The following TOP2A variants were observed in gnomAD, a reference collection of about 807,000 sequenced individuals.
TOP2A encodes the protein DNA topoisomerase II alpha.
In TOP2A, 68 loss-of-function variants were observed where a neutral mutation model predicts 187.2. The observed-to-expected ratio is 0.36, with a 90% CI of 0.30 to 0.44. TOP2A has a LOEUF of 0.44. Ranked by LOEUF, TOP2A falls within the 20% of genes least tolerant of loss-of-function variation. TOP2A has a pLI of 1.00. For synonymous variants in TOP2A, 542 were observed against 593.2 expected (o/e 0.91, Z 1.25); for missense variants, 1,196 against 1,808.7 (o/e 0.66, Z 6.14).
chr17:40,405,715 C>T (rs1023753281), intron 16 of TOP2A, among the ~76,000 whole-genome samples: 4 of 151,772 alleles, frequency 2.6e-5, no homozygotes, highest in African/African-American at 7.3e-5. Context: ...GTGATCTGCC[C>T]GACTTAGCCT....
At position 40,402,892 on chromosome 17, in the gene TOP2A, G is replaced by GA. The variant is rs1444598567; in HGVS notation, c.2432+13dup. 1 of 1,574,970 alleles carries GA rather than the reference G, an allele frequency of 6.3e-7. No individual in the cohort carries two copies. The highest frequency in any genetic ancestry group is 8.6e-7 in the Non-Finnish European group (1 of 1,158,244). ...TGGAAATGGCAAGTCACTAGAAAGT[G>GA]AAAGCATACCTACCTGAGCATTGTA... On this transcript the variant is annotated intron_variant, in intron 20 of 34. Transcript: ENST00000423485.
At chr17:40,406,773 T>A in intron 14 of TOP2A, 59 bp downstream of exon 14, 1 of 1,571,982 alleles carries the variant, frequency 6.4e-7, no homozygotes, top group South Asian at 1.1e-5. Flanking sequence ...TATATGTATA[T>A]CCAGGTTTGA....
In TOP2A at chr17:40,400,322, C is replaced by G. The variant is rs2143647149; in HGVS notation, c.2887G>C (p.Asp963His). ...LITDYREYHT[D>H]TTVKFVVKMT... Reference sequence around the variant, plus strand: ...TTCACAACAAATTTCACAGTGGTATCTGTATGGTATTCCCTATAGTCTGTT... The same window carrying G: ...TTCACAACAAATTTCACAGTGGTATGTGTATGGTATTCCCTATAGTCTGTT... Residue 963 changes from aspartate (D) to histidine (H), a missense_variant, in exon 23 of 35, where the codon GAT becomes CAT. This residue lies in a region of TOP2A where 232 missense variants were observed against 306.1 expected (regional missense o/e 0.76). Transcript: ENST00000423485. 1 of 1,613,524 alleles carries G rather than the reference C, an allele frequency of 6.2e-7. No homozygotes were observed. Among genetic ancestry groups the G allele is most frequent in the Non-Finnish European group, 8.5e-7 (1 of 1,179,802 alleles).
intron 29 of TOP2A, among the ~76,000 whole-genome samples, chr17:40,394,083 A>C (rs2035060344): frequency 6.6e-6 from 1 of 151,616 alleles, no homozygotes; most frequent in Non-Finnish European, 1.5e-5. Context: ...AAAAAAAAAA[A>C]AGAATGAAGT....
At chr17:40,398,984 A>G (rs1338749943) in intron 25 of TOP2A, 47 bp from the exon 26 acceptor site, 3 of 1,598,086 alleles carry the variant, frequency 1.9e-6, no homozygotes, top group Middle Eastern at 1.7e-4. Context: ...TGTGAAACAT[A>G]AACATTGTAC....
rs34300454 is a variant in TOP2A at position 40,391,616 on chromosome 17, C to T, written c.4157G>A (p.Gly1386Asp). The T allele has an allele frequency of 0.025, 40,011 of 1,603,476 alleles. 665 individuals carry two copies. Among genetic ancestry groups the T allele is most frequent in the African/African-American group, 0.077 (5,739 of 74,564 alleles). Reference sequence around the variant, plus strand: ...AGGGCTTGAAGACAGTGGTACACTGCCCTTAACATCATCAGCTTCAAGGTC... The same window carrying T: ...AGGGCTTGAAGACAGTGGTACACTGTCCTTAACATCATCAGCTTCAAGGTC... ...VSDLEADDVK[G>D]SVPLSSSPPA... Residue 1386 changes from glycine (G) to aspartate (D), a missense_variant, in exon 33 of 35, where the codon GGC (glycine) becomes GAC (aspartate). By Grantham distance (94) the Gly-to-Asp change is moderately conservative. Around this residue, in one of 10 missense-constraint regions of TOP2A, gnomAD observed 374 missense variants for 403.3 expected, o/e 0.93. Coordinates refer to ENST00000423485, the MANE Select transcript of TOP2A (RefSeq NM_001067.4).
intron 23 of TOP2A, 53 bp from the exon 24 acceptor site, chr17:40,400,120 T>C (rs1007988179): frequency 1.3e-6 from 2 of 1,590,888 alleles, no homozygotes; most frequent in Admixed American, 1.7e-5. Context: ...GGCTAAACTT[T>C]ATAAAGGTAG....
At chr17:40,405,020 T>C in intron 16 of TOP2A, 137 bp from the exon 17 acceptor site, 1 of 593,782 alleles carries the variant, frequency 1.7e-6, no homozygotes, top group South Asian at 2.1e-5. Context: ...CGGGAGTTAC[T>C]GTTCTCTTGC....
intron 1 of TOP2A, among the ~76,000 whole-genome samples, chr17:40,417,294 G>C (rs1413999156): frequency 1.3e-5 from 2 of 152,106 alleles, no homozygotes; most frequent in Non-Finnish European, 2.9e-5. Flanking sequence ...CAGTTTGGGC[G>C]GCTATCCGTT....
At chr17:40,397,445 C>A (rs2143638530) in intron 27 of TOP2A, among the ~76,000 whole-genome samples, 1 of 152,134 alleles carries the variant, frequency 6.6e-6, no homozygotes, top group Non-Finnish European at 1.5e-5. Context: ...GCCACCACAC[C>A]CAACTAATTT....
Position 40,400,859 on chromosome 17 carries a change from A to G in TOP2A, c.2655T>C (p.Pro885=). 2 of 1,613,988 alleles carry G rather than the reference A, an allele frequency of 1.2e-6. No homozygotes were observed. Among genetic ancestry groups the G allele is most frequent in the Non-Finnish European group, 1.7e-6 (2 of 1,179,870 alleles). The change falls in exon 21 of 35, where the codon CCT becomes CCC. Residue 885 remains proline, a synonymous_variant. Transcript: ENST00000423485. The part of the protein sequence containing the change: ...NIRRLMDGEE[P]LPMLPSYKNF... ...CACACAGAATACTTACCATTGGCAA[A>G]GGTTCTTCTCCATCCATCAAACGCC...
chr17:40,417,516 GGGACCAAC>G, intron 1 of TOP2A: 1 of 1,411,974 alleles, frequency 7.1e-7, no homozygotes, highest in East Asian at 2.6e-5. Context: ...GATCCACTAC[GGGACCAAC>G]GGACTCCTGC....
chr17:40,394,490 A>G (rs2035065600), intron 29 of TOP2A, among the ~76,000 whole-genome samples: 1 of 152,024 alleles, frequency 6.6e-6, no homozygotes. Context: ...GCACCACCAC[A>G]CTCAACTAAT....
In TOP2A at chr17:40,400,205, A is replaced by T. The variant is rs369125095; in HGVS notation, c.3000+4T>A. ...CGTGTACATCTCACAAAACAAATAC[A>T]TACCATAGAGTTGCATGTGAGACTA... On this transcript the variant is annotated splice_donor_region_variant and intron_variant, in intron 23 of 34. Coordinates refer to ENST00000423485, the MANE Select transcript of TOP2A (RefSeq NM_001067.4). 25 of 1,613,322 alleles carry T rather than the reference A, an allele frequency of 1.5e-5. No individual in the cohort carries two copies. The African/African-American group carries it at 3.1e-4, about 20-fold the overall frequency.
At chr17:40,398,390 C>T (rs1272104937) in intron 27 of TOP2A, among the ~76,000 whole-genome samples, 168 bp downstream of exon 27, 2 of 152,174 alleles carry the variant, frequency 1.3e-5, no homozygotes, top group Admixed American at 6.5e-5. Context: ...CAGCGTGAGC[C>T]ACTGCACCTG....
chr17:40,407,386 T>C (rs548784192), intron 13 of TOP2A, among the ~76,000 whole-genome samples, 163 bp downstream of exon 13: 1 of 152,358 alleles, frequency 6.6e-6, no homozygotes, highest in African/African-American at 2.4e-5. Context: ...AACCTGTATT[T>C]GCAACATACA....
chr17:40,394,028 T>C (rs2035059113), intron 29 of TOP2A, among the ~76,000 whole-genome samples: 1 of 144,926 alleles, frequency 6.9e-6, no homozygotes, highest in African/African-American at 2.6e-5. Context: ...TACTGCATAC[T>C]GCATGCCAGC....
In TOP2A at chr17:40,401,084, A is replaced by G; in HGVS notation, c.2433-3T>C. ...GAAATAACAATCGAGCCAAAGAGCTAAAGAAAAGAAACAAAGAATGTTATT... is the reference window on the plus strand; with the variant it reads ...GAAATAACAATCGAGCCAAAGAGCTGAAGAAAAGAAACAAAGAATGTTATT... On this transcript the variant is annotated splice_polypyrimidine_tract_variant and splice_region_variant and intron_variant, in intron 20 of 34. Transcript: ENST00000423485. 1 of 1,607,832 alleles carries G rather than the reference A, an allele frequency of 6.2e-7. No individual in the cohort carries two copies. Among genetic ancestry groups the G allele is most frequent in the Non-Finnish European group, 8.5e-7 (1 of 1,176,130 alleles).
Position 40,417,757 on chromosome 17 carries a change from C to T in TOP2A, c.21+14G>A, listed in dbSNP as rs374230944. 9.3e-6 allele frequency: 15 copies of T among 1,612,866 alleles called. No individual in the cohort carries two copies. The highest frequency in any genetic ancestry group is 5.3e-5 in the African/African-American group (4 of 74,936). Reference sequence around the variant, plus strand: ...CGCGGAGGCTCCACCGCCAGTCCCCCCCGCGAGCCGTACCTGCAATGGTGA... The same window carrying T: ...CGCGGAGGCTCCACCGCCAGTCCCCTCCGCGAGCCGTACCTGCAATGGTGA... On this transcript the variant is annotated intron_variant, in intron 1 of 34. Coordinates refer to ENST00000423485, the MANE Select transcript of TOP2A (RefSeq NM_001067.4).
Sources: allele counts gnomAD v4.1 joint callset (sites outside exome capture counted in the v4.1 genomes callset), GRCh38; gene constraint gnomAD v4.1.1; regional missense constraint gnomAD v4.1.1; transcripts MANE v1.5; gene names NCBI Gene and HGNC (gene_info 2026-07-23, HGNC 2026-07-21).